The following GPBP1 variants were observed in gnomAD, a reference collection of about 807,000 sequenced individuals.
The protein encoded by GPBP1 is GC-rich promoter binding protein 1, also known as vasculin.
GPBP1 carries 13 observed loss-of-function variants against 56.5 expected under a neutral mutation model. The ratio of observed to expected loss-of-function variants is 0.23; its 90% confidence interval spans 0.15 to 0.37. The LOEUF (loss-of-function observed/expected upper bound fraction) is 0.37. GPBP1 is among the 10% of genes least tolerant of loss of function. The pLI, the probability that GPBP1 is intolerant of heterozygous loss-of-function variation, is 1.00. For synonymous variants in GPBP1, 204 were observed against 188.9 expected (o/e 1.08, Z -0.66); for missense variants, 477 against 572.3 (o/e 0.83, Z 1.70).
rs1491499004 is a variant in GPBP1, at chr5:57,219,417, AAC to A, written c.63+5226_63+5227del. Among the ~76,000 whole-genome samples the A allele has an allele frequency of 5.2e-3, 246 of 47,400 alleles. 16 individuals are homozygous for A. Among genetic ancestry groups the A allele is most frequent in the East Asian group, 0.013 (4 of 298 alleles). 31.1% of individuals were successfully genotyped at this position (47,400 alleles called of 152,430 possible). A position where few individuals can be genotyped will look rare whatever the true frequency, so the allele number is the denominator to read the frequency against. ...AAAAAAAAAAAACCAAAAACAAACA[AAC>A]AAAAAAAAAAACAACAAAACCACAC... On this transcript the variant is annotated intron_variant, in intron 3 of 11. Coordinates refer to ENST00000506184, the MANE Select transcript of GPBP1 (RefSeq NM_022913.4).
At chr5:57,240,177 T>C (rs1740757168) in intron 6 of GPBP1, among the ~76,000 whole-genome samples, 1 of 151,592 alleles carries the variant, frequency 6.6e-6, no homozygotes, top group South Asian at 2.1e-4. Flanking sequence ...CTTGAGCCCA[T>C]GATTTCCAGG....
intron 2 of GPBP1, among the ~76,000 whole-genome samples, chr5:57,206,154 G>A (rs961328917): frequency 6.6e-6 from 1 of 152,120 alleles, no homozygotes; most frequent in Non-Finnish European, 1.5e-5. Flanking sequence ...TATTAGATAT[G>A]AGGTGCATAT....
Position 57,175,468 on chromosome 5 carries a change from T to C in GPBP1, c.-990T>C, listed in dbSNP as rs935449166. ...TACAGGTGATTGAATTACTCAGATA[T>C]GAAGATCATCATCTAGGTTTTGTGT... On this transcript the variant is annotated 5_prime_UTR_variant, in exon 2 of 12. It removes an upstream start codon present in the reference 5' UTR. Coordinates refer to ENST00000506184, the MANE Select transcript of GPBP1 (RefSeq NM_022913.4). 4 of 398,486 alleles carry C rather than the reference T, an allele frequency of 1.0e-5. No homozygotes were observed. The highest frequency in any genetic ancestry group is 1.3e-5 in the Non-Finnish European group (3 of 226,062). 24.7% of individuals were successfully genotyped at this position (398,486 alleles called of 1,614,324 possible). A position where few individuals can be genotyped will look rare whatever the true frequency, so the allele number is the denominator to read the frequency against.
intron 2 of GPBP1, among the ~76,000 whole-genome samples, chr5:57,195,319 C>T (rs1739978428): frequency 6.6e-6 from 1 of 152,090 alleles, no homozygotes; most frequent in Admixed American, 6.6e-5. Context: ...TCATGCCTGG[C>T]TAATTTCTTG....
At chr5:57,248,781 C>T (rs1741224659) in intron 8 of GPBP1, 1 of 152,166 alleles carries the variant, frequency 6.6e-6, no homozygotes, top group African/African-American at 2.4e-5. Flanking sequence ...GACTAGCATT[C>T]CTAGCTGCTT....
intron 6 of GPBP1, among the ~76,000 whole-genome samples, chr5:57,242,825 C>A (rs1216883660): frequency 2.0e-5 from 3 of 152,128 alleles, no homozygotes; most frequent in Non-Finnish European, 4.4e-5. Flanking sequence ...TCTCATCTCA[C>A]TGCAACCTCT....
At chr5:57,178,777 T>G (rs1347160118) in intron 2 of GPBP1, among the ~76,000 whole-genome samples, 3 of 152,222 alleles carry the variant, frequency 2.0e-5, no homozygotes, top group African/African-American at 7.2e-5. Context: ...GTTGCATCCG[T>G]TGGTAATTGG....
chr5:57,193,828 A>G (rs1754634814), intron 2 of GPBP1, among the ~76,000 whole-genome samples: 2 of 152,194 alleles, frequency 1.3e-5, no homozygotes, highest in Admixed American at 6.5e-5. Context: ...AGGAAACAGT[A>G]AAATTGAGTC....
chr5:57,201,750 A>G (rs1008908606), intron 2 of GPBP1, among the ~76,000 whole-genome samples: 3 of 152,164 alleles, frequency 2.0e-5, no homozygotes, highest in African/African-American at 7.2e-5. Flanking sequence ...ACAGGTCTTG[A>G]AGACGGGTTA....
At position 57,251,121 on chromosome 5, in the gene GPBP1, T is replaced by C; in HGVS notation, c.1140T>C (p.Ser380=). ...TCCCACAAACTGATGTTCTTTCAAG[T>C]TCACTTGAGGCAGAACACAGGCTAG... The part of the protein sequence containing the change: ...STFPQTDVLS[S]SLEAEHRLLK... The change falls in exon 10 of 12, where the codon AGT becomes AGC. Residue 380 remains serine, a synonymous_variant. Coordinates refer to ENST00000506184, the MANE Select transcript of GPBP1 (RefSeq NM_022913.4). The C allele has an allele frequency of 6.2e-7, 1 of 1,609,500 alleles. No homozygotes were observed. The highest frequency in any genetic ancestry group is 8.5e-7 in the Non-Finnish European group (1 of 1,178,596).
chr5:57,178,879 C>G (rs920162334), intron 2 of GPBP1, among the ~76,000 whole-genome samples: 2 of 151,942 alleles, frequency 1.3e-5, no homozygotes, highest in Non-Finnish European at 2.9e-5. Flanking sequence ...TTGTCCCTTT[C>G]TAAACTGTAG....
chr5:57,184,114 C>G (rs1754183337), intron 2 of GPBP1, among the ~76,000 whole-genome samples: 1 of 151,970 alleles, frequency 6.6e-6, no homozygotes, highest in South Asian at 2.1e-4. Flanking sequence ...TACCTGTAAT[C>G]CCAGCTACTT....
intron 2 of GPBP1, among the ~76,000 whole-genome samples, chr5:57,183,922 A>C (rs1754175934): frequency 6.6e-6 from 1 of 151,852 alleles, no homozygotes; most frequent in Non-Finnish European, 1.5e-5. Context: ...ACCACAGGTG[A>C]GTGCTGCCAT....
In GPBP1 at chr5:57,175,467, A is replaced by G. The variant is rs969556805; in HGVS notation, c.-991A>G. ...TTACAGGTGATTGAATTACTCAGATATGAAGATCATCATCTAGGTTTTGTG... is the reference window on the plus strand; with the variant it reads ...TTACAGGTGATTGAATTACTCAGATGTGAAGATCATCATCTAGGTTTTGTG... On this transcript the variant is annotated 5_prime_UTR_variant, in exon 2 of 12. In the 5' UTR this introduces an upstream ATG that the reference lacks. Coordinates refer to ENST00000506184, the MANE Select transcript of GPBP1 (RefSeq NM_022913.4). The G allele has an allele frequency of 2.3e-5, 9 of 398,472 alleles. No homozygotes were observed. Among genetic ancestry groups the G allele is most frequent in the Admixed American group, 4.4e-5 (1 of 22,712 alleles). 24.7% of individuals were successfully genotyped at this position (398,472 alleles called of 1,614,324 possible). A position where few individuals can be genotyped will look rare whatever the true frequency, so the allele number is the denominator to read the frequency against.
intron 2 of GPBP1, among the ~76,000 whole-genome samples, chr5:57,187,068 C>T (rs1037744383): frequency 6.6e-6 from 1 of 151,092 alleles, no homozygotes; most frequent in Non-Finnish European, 1.5e-5. Context: ...TATGCTAATT[C>T]TATGGAATGC....
chr5:57,226,621 G>A (rs1172530986), intron 3 of GPBP1, among the ~76,000 whole-genome samples: 9 of 143,094 alleles, frequency 6.3e-5, no homozygotes, highest in Non-Finnish European at 1.2e-4. Flanking sequence ...GTGCAGTGGC[G>A]CGATCTCAGC....
chr5:57,184,099 G>C (rs767066771), intron 2 of GPBP1, among the ~76,000 whole-genome samples: 20 of 151,906 alleles, frequency 1.3e-4, no homozygotes, highest in Admixed American at 3.3e-4. Flanking sequence ...GGGCGTGGTG[G>C]TGCATACCTG....
At position 57,262,810 on chromosome 5, in the gene GPBP1, G is replaced by T. The variant is rs1288274522; in HGVS notation, c.*58G>T. ...TGATACATCTCTCATACAGTTTGGGGTGAATTGTAAAAATGAAGAACTATA... is the reference window on the plus strand; with the variant it reads ...TGATACATCTCTCATACAGTTTGGGTTGAATTGTAAAAATGAAGAACTATA... On this transcript the variant is annotated 3_prime_UTR_variant, in exon 12 of 12. Coordinates refer to ENST00000506184, the MANE Select transcript of GPBP1 (RefSeq NM_022913.4). 6.9e-7 allele frequency: 1 copy of T among 1,453,894 alleles called. No individual in the cohort carries two copies. The highest frequency in any genetic ancestry group is 9.4e-7 in the Non-Finnish European group (1 of 1,058,628). 90.1% of individuals were successfully genotyped at this position (1,453,894 alleles called of 1,614,324 possible).
rs187289189 is a variant in GPBP1, at chr5:57,257,281, C to T, written c.1161-3899C>T. 5.8e-4 allele frequency among the ~76,000 whole-genome samples: 89 copies of T among 152,250 alleles called. 1 individual carries two copies. The highest frequency in any genetic ancestry group is 4.1e-4 in the South Asian group (2 of 4,830). On this transcript the variant is annotated intron_variant, in intron 10 of 11. Coordinates refer to ENST00000506184, the MANE Select transcript of GPBP1 (RefSeq NM_022913.4). ...GAACTCCTGACCTCAGGTGATCCAC[C>T]GCCTTGGCCTCCCAAAGTGCTGGGA...
Sources: allele counts gnomAD v4.1 joint callset (sites outside exome capture counted in the v4.1 genomes callset), GRCh38; gene constraint gnomAD v4.1.1; transcripts MANE v1.5; gene names NCBI Gene and HGNC (gene_info 2026-07-23, HGNC 2026-07-21).